APOB: variants seen among roughly 807,000 people sequenced by gnomAD.
APOB encodes the protein apolipoprotein B-100.
Under a neutral mutation model 314.1 loss-of-function variants are expected in APOB, and 153 were observed. The observed-to-expected ratio is 0.49, with a 90% confidence interval of 0.43 to 0.56. APOB has a LOEUF of 0.56. APOB is among the 20% of genes least tolerant of loss of function. The pLI is 0.00. For synonymous variants in APOB, 2,087 were observed against 2,036.4 expected, an observed-to-expected ratio of 1.02 and a Z score of -0.67; for missense variants, 5,430 against 5,350.7, an observed-to-expected ratio of 1.01 and a Z score of -0.46.
At chr2:21,039,429 G>A (rs539354533) in intron 4 of APOB, among the ~76,000 whole-genome samples, 7 of 152,324 alleles carry the variant, frequency 4.6e-5, no homozygotes, top group African/African-American at 1.7e-4. Flanking sequence ...TTTGGTCTTA[G>A]GGATTTCCCA....
rs1207586911 is a variant in APOB, at chr2:21,043,874, G to A, written c.72C>T (p.Gly24=). Residue 24 remains glycine, a synonymous_variant, in exon 1 of 29, where the codon GGC becomes GGT. Transcript: ENST00000233242. The part of the protein sequence containing the change: ...LPALLLLLLA[G]ARAEEEMLEN... ...CGGCCGCGCACTCACCGGCCCTGGC[G>A]CCCGCCAGCAGCAGCAGCAGCAGCG... is the stretch of plus-strand genomic sequence containing the variant. The A allele has an allele frequency of 2.0e-6, 3 of 1,494,598 alleles. No individual in the cohort carries two copies. The South Asian group carries it at 3.7e-5, about 19-fold the overall frequency. The allele number at this position is 1,494,598 out of a possible 1,614,324, so 92.6% of individuals were successfully genotyped here.
chr2:21,043,719 G>A, intron 1 of APOB, 145 bp downstream of exon 1: 2 of 1,509,944 alleles, frequency 1.3e-6, no homozygotes, highest in South Asian at 1.2e-5. Flanking sequence ...GAGCCTGCAG[G>A]GGCCGCCAGC....
chr2:21,009,151 A>G lies in APOB; in HGVS notation c.7717T>C (p.Trp2573Arg). ...DFAEQYSIQDWAKRMKALVEQ... is the reference protein window; with the variant it reads ...DFAEQYSIQDRAKRMKALVEQ... The stretch of plus-strand genomic sequence containing the variant: ...ACCAATGCTTTCATACGTTTAGCCC[A>G]ATCTTGGATAGAATATTGCTCTGCA... Residue 2573 changes from tryptophan to arginine, a missense_variant, in exon 26 of 29, where the codon TGG becomes CGG. Trp to Arg is a moderately radical substitution (Grantham distance 101). Coordinates refer to ENST00000233242, the MANE Select transcript of APOB (RefSeq NM_000384.3). The G allele has an allele frequency of 6.2e-7, 1 of 1,614,088 alleles. No homozygotes were observed. Among genetic ancestry groups the G allele is most frequent in the Non-Finnish European group, 8.5e-7 (1 of 1,179,942 alleles).
chr2:21,025,293 G>C (rs1663703681), intron 15 of APOB, among the ~76,000 whole-genome samples, 169 bp from the exon 16 acceptor site: 1 of 152,138 alleles, frequency 6.6e-6, no homozygotes, highest in African/African-American at 2.4e-5. Flanking sequence ...AGAGATTAAA[G>C]AACTAAGGTC....
chr2:21,011,694 T>C lies in APOB; in HGVS notation c.5174A>G (p.Asn1725Ser). 6.2e-7 allele frequency: 1 copy of C among 1,614,172 alleles called. No homozygotes were observed. The highest frequency in any genetic ancestry group is 8.5e-7 in the Non-Finnish European group (1 of 1,180,032). ...QAMILGVDSK[N>S]IFNFKVSQEG... is the part of the protein sequence containing the mutation. ...TTGACTGACCTTGAAGTTGAAAATG[T>C]TTTTGCTGTCGACACCCAGAATCAT... Residue 1725 changes from asparagine to serine, a missense_variant, in exon 26 of 29, where the codon AAC becomes AGC. Asn to Ser is a conservative substitution (Grantham distance 46, BLOSUM62 1). Coordinates refer to ENST00000233242, the MANE Select transcript of APOB (RefSeq NM_000384.3).
Position 21,019,000 on chromosome 2 carries a change from T to A in APOB, c.3113A>T (p.Gln1038Leu). 1.2e-6 allele frequency: 2 copies of A among 1,614,014 alleles called. No individual in the cohort carries two copies. Among genetic ancestry groups the A allele is most frequent in the African/African-American group, 2.7e-5 (2 of 75,008 alleles). ...ALVDTLKFVT[Q>L]AEGAKQTEAT... ...GTGTTTTGAATACTCACCTTCTGCT[T>A]GAGTTACAAACTTCAGGGTATCCAC... Residue 1038 changes from glutamine to leucine, a missense_variant, in exon 20 of 29, where the codon CAA becomes CTA. Physicochemically the swap from Gln to Leu is moderately radical, Grantham distance 113. This residue lies in a region of APOB where 2,085 missense variants were observed against 2,079.7 expected (regional missense o/e 1.00). Coordinates refer to ENST00000233242, the MANE Select transcript of APOB (RefSeq NM_000384.3).
At position 21,005,122 on chromosome 2, in the gene APOB, T is replaced by C; in HGVS notation, c.11746A>G (p.Thr3916Ala). 1 of 1,614,070 alleles carries C rather than the reference T, an allele frequency of 6.2e-7. No individual in the cohort carries two copies. Among genetic ancestry groups the C allele is most frequent in the South Asian group, 1.1e-5 (1 of 91,088 alleles). Residue 3916 changes from threonine (T) to alanine (A), a missense_variant, in exon 26 of 29, where the codon ACA becomes GCA. By Grantham distance (58) the Thr-to-Ala change is moderately conservative. Coordinates refer to ENST00000233242, the MANE Select transcript of APOB (RefSeq NM_000384.3). Reference sequence around the variant, plus strand: ...AGGAACTGTACGGTTGAGCTGCATGTGGAATCCAGGACTGTTTCAACATAA... The same window carrying C: ...AGGAACTGTACGGTTGAGCTGCATGCGGAATCCAGGACTGTTTCAACATAA... ...ADYVETVLDS[T>A]CSSTVQFLEY... is the part of the protein sequence containing the mutation.
At chr2:21,016,119 C>A (rs1319607240) in intron 21 of APOB, among the ~76,000 whole-genome samples, 2 of 152,110 alleles carry the variant, frequency 1.3e-5, no homozygotes, top group African/African-American at 4.8e-5. Context: ...GAAACCCTGT[C>A]TCTACTAAAA....
rs761557089 is a variant in APOB at position 21,026,768 on chromosome 2, G to A, written c.2244+20C>T. The A allele has an allele frequency of 1.2e-6, 2 of 1,603,120 alleles. No homozygotes were observed. Among genetic ancestry groups the A allele is most frequent in the Non-Finnish European group, 8.5e-7 (1 of 1,170,212 alleles). The stretch of plus-strand genomic sequence containing the variant: ...TGAGACCCAAAGCTTTCCTTAAGAA[G>A]ATACTTCACAAATACACACCTGCTC... On this transcript the variant is annotated intron_variant, in intron 15 of 28. Transcript: ENST00000233242.
At position 21,036,740 on chromosome 2, in the gene APOB, A is replaced by G. The variant is rs520354; in HGVS notation, c.693+360T>C. Among the ~76,000 whole-genome samples the G allele has an allele frequency of 0.4, 61,380 of 152,032 alleles. 14,435 individuals carry two copies. Among genetic ancestry groups the G allele is most frequent in the East Asian group, 0.85 (4,395 of 5,142 alleles). ...TGGCACAAGGAGTCCTTGTGCAGAA[A>G]AGAACAGAAGGTGGTTTTGCTGCCC... On this transcript the variant is annotated intron_variant, in intron 6 of 28. Transcript: ENST00000233242.
chr2:21,014,624 TGG>T, intron 23 of APOB, 31 bp from the exon 24 acceptor site: 7 of 1,613,464 alleles, frequency 4.3e-6, no homozygotes, highest in Non-Finnish European at 5.9e-6. Flanking sequence ...TTTAAGGTAA[TGG>T]GCTTGGATGA....
At chr2:21,025,493 T>C (rs1377466253) in intron 15 of APOB, among the ~76,000 whole-genome samples, 1 of 152,084 alleles carries the variant, frequency 6.6e-6, no homozygotes, top group Non-Finnish European at 1.5e-5. Context: ...GACTACAAGG[T>C]GTTTCTTAAG....
intron 12 of APOB, among the ~76,000 whole-genome samples, chr2:21,029,318 G>T (rs1170191281): frequency 6.6e-6 from 1 of 152,198 alleles, no homozygotes; most frequent in Non-Finnish European, 1.5e-5. Context: ...GGGTGTAATG[G>T]CACATGCCTG....
chr2:21,009,080 G>A lies in APOB; in HGVS notation c.7788C>T (p.Thr2596=), dbSNP rs1663232911. Residue 2596 remains threonine (T), a synonymous_variant, in exon 26 of 29, where the codon ACC becomes ACT. Coordinates refer to ENST00000233242, the MANE Select transcript of APOB (RefSeq NM_000384.3). ...GAAGACTGACTTCAAAGGCAGGCAT[G>A]GTCCCAAGGATGGTCTTGATTTCAG... ...TVPEIKTILG[T]MPAFEVSLQA... 1.9e-6 allele frequency: 3 copies of A among 1,613,962 alleles called. No individual in the cohort carries two copies. The highest frequency in any genetic ancestry group is 1.3e-5 in the African/African-American group (1 of 74,916).
rs1553383444 is a variant in APOB, at chr2:21,009,074, A to C, written c.7794T>G (p.Pro2598=). ...PEIKTILGTM[P]AFEVSLQALQ... The stretch of plus-strand genomic sequence containing the variant: ...GAGCCTGAAGACTGACTTCAAAGGC[A>C]GGCATGGTCCCAAGGATGGTCTTGA... The change falls in exon 26 of 29, where the codon CCT becomes CCG. Residue 2598 remains proline (P), a synonymous_variant. Transcript: ENST00000233242. 1 of 1,614,130 alleles carries C rather than the reference A, an allele frequency of 6.2e-7. No individual in the cohort carries two copies. The highest frequency in any genetic ancestry group is 8.5e-7 in the Non-Finnish European group (1 of 1,179,960).
At position 21,005,565 on chromosome 2, in the gene APOB, A is replaced by G. The variant is rs376825639; in HGVS notation, c.11303T>C (p.Ile3768Thr). Reference sequence around the variant, plus strand: ...AGTTCTCAGCTTCTTATAGATTTGTATTTCTCTGAAGTCAAGTTTGCACGA... The same window carrying G: ...AGTTCTCAGCTTCTTATAGATTTGTGTTTCTCTGAAGTCAAGTTTGCACGA... The part of the protein sequence containing the change: ...VPSCKLDFRE[I>T]QIYKKLRTSS... Residue 3768 changes from isoleucine to threonine, a missense_variant, in exon 26 of 29, where the codon ATA (isoleucine) becomes ACA (threonine). This residue lies in a region of APOB where 3,281 missense variants were observed against 3,171.0 expected (regional missense o/e 1.03). Transcript: ENST00000233242. 3.8e-5 allele frequency: 61 copies of G among 1,613,950 alleles called. No individual in the cohort carries two copies. In the East Asian group the frequency reaches 4.7e-4, roughly 12 times the overall value.
intron 20 of APOB, among the ~76,000 whole-genome samples, chr2:21,016,943 C>CACTG (rs1318886811): frequency 6.6e-6 from 1 of 150,420 alleles, no homozygotes; most frequent in Non-Finnish European, 1.5e-5. Context: ...GAGATGGCAC[C>CACTG]ACTGCACTGC....
chr2:21,004,648 C>A lies in APOB; in HGVS notation c.11816G>T (p.Gly3939Val). The change falls in exon 27 of 29, where the codon GGT becomes GTT. Residue 3939 changes from glycine (G) to valine (V), a missense_variant. By Grantham distance (109) the Gly-to-Val change is moderately radical. Coordinates refer to ENST00000233242, the MANE Select transcript of APOB (RefSeq NM_000384.3). ...NVLGTHKIED[G>V]TLASKTKGTF... is the part of the protein sequence containing the mutation. The stretch of plus-strand genomic sequence containing the variant: ...TCCTTTAGTCTTAGAGGCTAACGTA[C>A]CATCTTCGATTTTGTGTGTTCCCAA... 6.2e-7 allele frequency: 1 copy of A among 1,613,772 alleles called. No homozygotes were observed. Among genetic ancestry groups the A allele is most frequent in the Non-Finnish European group, 8.5e-7 (1 of 1,179,730 alleles).
Position 21,006,805 on chromosome 2 carries a change from C to T in APOB, c.10063G>A (p.Glu3355Lys), listed in dbSNP as rs776374541. 1.2e-6 allele frequency: 2 copies of T among 1,614,030 alleles called. No homozygotes were observed. Among genetic ancestry groups the T allele is most frequent in the Non-Finnish European group, 1.7e-6 (2 of 1,179,954 alleles). ...ACAATATCTGACTGGTTAAAAAGTT[C>T]AGCATTGGTATTCAGTGTGATGACA... is the stretch of plus-strand genomic sequence containing the variant. ...SSVITLNTNAELFNQSDIVAH... is the reference protein window; with the variant it reads ...SSVITLNTNAKLFNQSDIVAH... Residue 3355 changes from glutamate (E) to lysine (K), a missense_variant, in exon 26 of 29, where the codon GAA (glutamate) becomes AAA (lysine). By Grantham distance (56) the Glu-to-Lys change is moderately conservative. Around this residue, in one of 3 missense-constraint regions of APOB, gnomAD observed 3,281 missense variants for 3,171.0 expected, o/e 1.03. Coordinates refer to ENST00000233242, the MANE Select transcript of APOB (RefSeq NM_000384.3).
Sources: gnomAD v4.1 joint callset for allele counts (sites outside exome capture counted in the v4.1 genomes callset) on GRCh38, gnomAD v4.1.1 for gene constraint, gnomAD v4.1.1 regional missense constraint, MANE v1.5 for transcripts, NCBI Gene and HGNC (gene_info 2026-07-23, HGNC 2026-07-21) for gene names.